CAMTA1: variants seen among roughly 807,000 people sequenced by gnomAD.
CAMTA1 encodes the protein calmodulin-binding transcription activator 1.
Under a neutral mutation model 170.9 loss-of-function variants are expected in CAMTA1, and 27 were observed. That is an observed-to-expected ratio of 0.16 (90% CI 0.12 to 0.22). The LOEUF is 0.22. Ranked by LOEUF, CAMTA1 falls within the 10% of genes least tolerant of loss-of-function variation. The pLI is 1.00. For missense variants in CAMTA1, 1,619 were observed against 2,217.2 expected (o/e 0.73, Z 5.42); for synonymous variants, 833 against 891.5 (o/e 0.93, Z 1.17).
chr1:7,265,732 C>T (rs1008411405), intron 5 of CAMTA1, among the ~76,000 whole-genome samples: 38 of 152,278 alleles, frequency 2.5e-4, no homozygotes, highest in African/African-American at 8.9e-4. Context: ...TCTACTGTTG[C>T]TACTAGCAAA....
intron 4 of CAMTA1, among the ~76,000 whole-genome samples, chr1:7,220,362 A>G (rs1361193258): frequency 6.6e-6 from 1 of 152,224 alleles, no homozygotes; most frequent in Non-Finnish European, 1.5e-5. Context: ...AATAATGGAA[A>G]GAGGCCAGGC....
chr1:7,163,516 C>T (rs897835740), intron 4 of CAMTA1, among the ~76,000 whole-genome samples: 16 of 152,164 alleles, frequency 1.1e-4, no homozygotes, highest in African/African-American at 2.4e-4. Flanking sequence ...GGAATGGCAC[C>T]GGCTTCCAGG....
chr1:7,450,863 A>G (rs2092806712), intron 5 of CAMTA1, among the ~76,000 whole-genome samples: 1 of 79,034 alleles, frequency 1.3e-5, no homozygotes, highest in Non-Finnish European at 2.4e-5. Context: ...CAGAGAGAGC[A>G]GCTAAATGCA....
intron 6 of CAMTA1, among the ~76,000 whole-genome samples, chr1:7,578,223 A>G (rs968779066): frequency 1.1e-4 from 17 of 152,216 alleles, no homozygotes; most frequent in African/African-American, 3.9e-4. Context: ...CTAGGTGGTC[A>G]CACCCAGGTG....
At chr1:7,230,443 C>A (rs867694829) in intron 4 of CAMTA1, among the ~76,000 whole-genome samples, 8 of 80,358 alleles carry the variant, frequency 1.0e-4, no homozygotes, top group African/African-American at 1.8e-4. Context: ...CCCCCCCCCC[C>A]CGCCCCGCAA....
intron 3 of CAMTA1, among the ~76,000 whole-genome samples, chr1:6,856,982 T>C (rs1169889283): frequency 6.6e-6 from 1 of 152,074 alleles, no homozygotes; most frequent in Non-Finnish European, 1.5e-5. Context: ...GTCATGCTAC[T>C]CACAGCCATA....
chr1:7,740,898 A>C (rs531488466), intron 16 of CAMTA1, among the ~76,000 whole-genome samples: 1 of 152,352 alleles, frequency 6.6e-6, no homozygotes, highest in East Asian at 1.9e-4. Context: ...TGTGTCTATG[A>C]AAAAAGCAGC....
rs1034998435 is a variant in CAMTA1, at chr1:7,395,114, C to T, written c.439-72716C>T. Among the ~76,000 whole-genome samples, 7 of 152,142 alleles carry T rather than the reference C, an allele frequency of 4.6e-5. No individual in the cohort carries two copies. The East Asian group carries it at 1.2e-3, about 25-fold the overall frequency. ...TCCAGGCTGGTCTCAAACTCCTGAC[C>T]TCGGGTGATCCACCCGCCTCAGCCT... On this transcript the variant is annotated intron_variant, in intron 5 of 22. Coordinates refer to ENST00000303635, the MANE Select transcript of CAMTA1 (RefSeq NM_015215.4).
chr1:7,018,368 A>G (rs961762956), intron 3 of CAMTA1, among the ~76,000 whole-genome samples: 1 of 152,168 alleles, frequency 6.6e-6, no homozygotes, highest in Non-Finnish European at 1.5e-5. Context: ...CGCAGTGCTT[A>G]TGATGTAGGG....
At chr1:7,347,941 T>A (rs905603464) in intron 5 of CAMTA1, among the ~76,000 whole-genome samples, 2 of 152,198 alleles carry the variant, frequency 1.3e-5, no homozygotes, top group African/African-American at 4.8e-5. Flanking sequence ...TCATAGGCTC[T>A]GAGGTTAGGA....
At chr1:7,328,821 T>G (rs1366315595) in intron 5 of CAMTA1, among the ~76,000 whole-genome samples, 2 of 152,210 alleles carry the variant, frequency 1.3e-5, no homozygotes, top group Non-Finnish European at 2.9e-5. Flanking sequence ...GGTTTGGAGA[T>G]TCTCTTGTTC....
rs939911514 is a variant in CAMTA1 at position 7,007,529 on chromosome 1, C to T, written c.235-83775C>T. 1.3e-5 allele frequency among the ~76,000 whole-genome samples: 2 copies of T among 152,202 alleles called. No individual in the cohort carries two copies. Among genetic ancestry groups the T allele is most frequent in the East Asian group, 1.9e-4 (1 of 5,186 alleles). On this transcript the variant is annotated intron_variant, in intron 3 of 22. Transcript: ENST00000303635. The surrounding 1 kb of genome is among the most constrained non-coding windows in gnomAD (Gnocchi z 4.5). ...TAGTTCAGACCCTTGGGATACCTGG[C>T]GTGGTCCTCCTGACCGGGGCTCAGT...
rs1490876966 is a variant in CAMTA1 at position 7,102,059 on chromosome 1, CACACACACACAG to C, written c.302+10689_302+10700del. ...ACACACACACACACACACACACACACACACACACACAGCTTCCTGTATTGGTCACTGTTCTCT... is the reference window on the plus strand; with the variant it reads ...ACACACACACACACACACACACACACCTTCCTGTATTGGTCACTGTTCTCT... On this transcript the variant is annotated intron_variant, in intron 4 of 22. Coordinates refer to ENST00000303635, the MANE Select transcript of CAMTA1 (RefSeq NM_015215.4). Among the ~76,000 whole-genome samples, 222 of 97,456 alleles carry C rather than the reference CACACACACACAG, an allele frequency of 2.3e-3. 1 individual carries two copies. Among genetic ancestry groups the C allele is most frequent in the African/African-American group, 8.2e-3 (213 of 25,838 alleles). 63.9% of individuals were successfully genotyped at this position (97,456 alleles called of 152,430 possible).
chr1:7,666,949 C>T lies in CAMTA1; in HGVS notation c.2652+1750C>T, dbSNP rs183923433. ...TTTTGCCCAGGCTGGAGTGCAATGG[C>T]GCCATCTCGGCTCACTGAAACCTCC... On this transcript the variant is annotated intron_variant, in intron 9 of 22. Coordinates refer to ENST00000303635, the MANE Select transcript of CAMTA1 (RefSeq NM_015215.4). 1.2e-3 allele frequency among the ~76,000 whole-genome samples: 177 copies of T among 152,200 alleles called. 1 individual carries two copies. Among genetic ancestry groups the T allele is most frequent in the South Asian group, 7.0e-3 (34 of 4,826 alleles).
At chr1:7,358,049 CAAGCCCAGAT>C (rs1223338263) in intron 5 of CAMTA1, among the ~76,000 whole-genome samples, 3 of 152,186 alleles carry the variant, frequency 2.0e-5, no homozygotes, top group African/African-American at 7.2e-5. Context: ...AATGAAGGTC[CAAGCCCAGAT>C]CTTTGTGGAG....
rs2095847134 is a variant in CAMTA1, at chr1:7,651,255, G to A, written c.665-10471G>A. On this transcript the variant is annotated intron_variant, in intron 7 of 22. Transcript: ENST00000303635. ...GTGGACTGGACGAGCCCAGATGGAG[G>A]AGGAGGACAGGGCCCCCCACAGCCC... Among the ~76,000 whole-genome samples the A allele has an allele frequency of 2.0e-5, 3 of 152,182 alleles. 1 individual carries two copies. The South Asian group carries it at 6.2e-4, about 32-fold the overall frequency.
At chr1:7,245,141 A>G (rs1665548144) in intron 4 of CAMTA1, among the ~76,000 whole-genome samples, 1 of 150,988 alleles carries the variant, frequency 6.6e-6, no homozygotes, top group Non-Finnish European at 1.5e-5. Context: ...TCATCAATCT[A>G]TCTAGTCAAT....
chr1:7,619,705 A>T (rs960503998), intron 6 of CAMTA1, among the ~76,000 whole-genome samples: 3 of 151,008 alleles, frequency 2.0e-5, no homozygotes, highest in African/African-American at 7.3e-5. Context: ...GCTGGAGTGC[A>T]GTGGCATGAT....
intron 6 of CAMTA1, among the ~76,000 whole-genome samples, chr1:7,611,828 G>C (rs1277001613): frequency 5.9e-5 from 9 of 152,236 alleles, no homozygotes; most frequent in Non-Finnish European, 1.2e-4. Flanking sequence ...GCTTCTCTGT[G>C]CCTTGCCAAG....
Sources: gnomAD v4.1 joint callset for allele counts (sites outside exome capture counted in the v4.1 genomes callset) on GRCh38, gnomAD v4.1.1 for gene constraint, Gnocchi (gnomAD v3.1) non-coding constraint, MANE v1.5 for transcripts, NCBI Gene and HGNC (gene_info 2026-07-23, HGNC 2026-07-21) for gene names.